The following LYPLAL1 variants were observed in gnomAD, a reference collection of about 807,000 sequenced individuals.
LYPLAL1 encodes lysophospholipase-like protein 1.
Under a neutral mutation model 19.7 loss-of-function variants are expected in LYPLAL1, and 23 were observed. The observed-to-expected ratio is 1.17, with a 90% CI of 0.84 to 1.65. The LOEUF (loss-of-function observed/expected upper bound fraction) is 1.65, where lower values mean the gene tolerates loss of function less well. LYPLAL1 is among the 40% of genes most tolerant of loss of function. The pLI is 0.00. For missense variants in LYPLAL1, 355 were observed against 279.4 expected (o/e 1.27, Z -1.93); for synonymous variants, 119 against 96.3 (o/e 1.24, Z -1.38).
At chr1:219,315,973 C>T in the LYPLAL1 span, among the ~76,000 whole-genome samples, 7 of 152,024 alleles carry the variant, frequency 4.6e-5, no homozygotes, top group Non-Finnish European at 7.4e-5. Flanking sequence ...AAAAATGCCC[C>T]ATGGCAAGAA....
the LYPLAL1 span, among the ~76,000 whole-genome samples, chr1:219,400,045 G>A: frequency 6.6e-6 from 1 of 152,132 alleles, no homozygotes; most frequent in African/African-American, 2.4e-5. Flanking sequence ...CAAGGTAAGA[G>A]CATGTTGCTT....
chr1:219,403,988 A>G, the LYPLAL1 span, among the ~76,000 whole-genome samples: 1 of 152,102 alleles, frequency 6.6e-6, no homozygotes, highest in Non-Finnish European at 1.5e-5. Context: ...GTGCTGATAT[A>G]GTTGATTCCT....
chr1:219,207,812 A>G (rs1185279522), intron 3 of LYPLAL1, among the ~76,000 whole-genome samples: 5 of 152,082 alleles, frequency 3.3e-5, no homozygotes, highest in Non-Finnish European at 5.9e-5. Flanking sequence ...AAGGAATTCA[A>G]TGCTAAGAAA....
the LYPLAL1 span, among the ~76,000 whole-genome samples, chr1:219,223,968 C>G: frequency 6.6e-6 from 1 of 152,046 alleles, no homozygotes; most frequent in East Asian, 1.9e-4. Flanking sequence ...TCCCTTTCTT[C>G]CCTACCCTGA....
At chr1:219,250,389 A>G in the LYPLAL1 span, among the ~76,000 whole-genome samples, 1 of 151,968 alleles carries the variant, frequency 6.6e-6, no homozygotes, top group South Asian at 2.1e-4. Flanking sequence ...GGCTCAAAGC[A>G]TTAATTAGTA....
chr1:219,185,781 A>G (rs2125044944), intron 2 of LYPLAL1, among the ~76,000 whole-genome samples: 1 of 152,090 alleles, frequency 6.6e-6, no homozygotes, highest in East Asian at 1.9e-4. Flanking sequence ...TTACCGTAAC[A>G]CCTATGTGAG....
At chr1:219,314,221 T>C in the LYPLAL1 span, among the ~76,000 whole-genome samples, 1 of 152,240 alleles carries the variant, frequency 6.6e-6, no homozygotes, top group East Asian at 1.9e-4. Context: ...AAATCAAATC[T>C]ACCATCATTG....
chr1:219,275,391 A>G, the LYPLAL1 span, among the ~76,000 whole-genome samples: 1 of 152,210 alleles, frequency 6.6e-6, no homozygotes, highest in Non-Finnish European at 1.5e-5. Context: ...TTAATCTTGT[A>G]TGGTGTAGAC....
chr1:219,281,780 A>G, the LYPLAL1 span, among the ~76,000 whole-genome samples: 3 of 152,204 alleles, frequency 2.0e-5, no homozygotes, highest in Non-Finnish European at 4.4e-5. Flanking sequence ...GTCATGCTCC[A>G]TAACTGACAG....
At chr1:219,303,523 T>C in the LYPLAL1 span, among the ~76,000 whole-genome samples, 63 of 152,192 alleles carry the variant, frequency 4.1e-4, no homozygotes, top group Admixed American at 4.1e-3. Flanking sequence ...TGTCACCCAG[T>C]GTTACTGGTG....
the LYPLAL1 span, among the ~76,000 whole-genome samples, chr1:219,440,022 C>CATATAT: frequency 0.022 from 2,809 of 128,788 alleles, 81 homozygotes; most frequent in African/African-American, 0.073. Context: ...TACACACACA[C>CATATAT]ACATATATAT....
the LYPLAL1 span, among the ~76,000 whole-genome samples, chr1:219,335,846 C>G: frequency 6.6e-6 from 1 of 151,626 alleles, no homozygotes; most frequent in East Asian, 1.9e-4. Flanking sequence ...ACCCAATTAG[C>G]ACAACGAAGT....
chr1:219,385,217 A>C, the LYPLAL1 span, among the ~76,000 whole-genome samples: 1 of 152,146 alleles, frequency 6.6e-6, no homozygotes, highest in Admixed American at 6.6e-5. Flanking sequence ...AAAGAAAAAA[A>C]CTCTGCCAGA....
At chr1:219,312,823 C>A in the LYPLAL1 span, among the ~76,000 whole-genome samples, 3 of 152,140 alleles carry the variant, frequency 2.0e-5, no homozygotes, top group Non-Finnish European at 4.4e-5. Flanking sequence ...TTCTCCTGGT[C>A]TATTGGTGGG....
the LYPLAL1 span, among the ~76,000 whole-genome samples, chr1:219,377,801 G>C: frequency 1.3e-5 from 2 of 151,920 alleles, no homozygotes; most frequent in African/African-American, 2.4e-5. Context: ...TCACAAATTC[G>C]TAATTTTTCA....
chr1:219,391,462 T>C, the LYPLAL1 span, among the ~76,000 whole-genome samples: 2 of 152,376 alleles, frequency 1.3e-5, no homozygotes, highest in East Asian at 3.9e-4. Context: ...TGTTTGATTC[T>C]GAGAAGATTG....
At chr1:219,339,218 A>G in the LYPLAL1 span, among the ~76,000 whole-genome samples, 2 of 151,990 alleles carry the variant, frequency 1.3e-5, no homozygotes, top group African/African-American at 2.4e-5. Context: ...CCCAAAAAAC[A>G]AAAGTCTAGA....
the LYPLAL1 span, among the ~76,000 whole-genome samples, chr1:219,389,944 C>T: frequency 6.6e-6 from 1 of 152,144 alleles, no homozygotes; most frequent in Admixed American, 6.5e-5. Flanking sequence ...TAGAAGACCT[C>T]AATATCTGTA....
intron 3 of LYPLAL1, among the ~76,000 whole-genome samples, chr1:219,199,546 A>T (rs1029571599): frequency 6.7e-6 from 1 of 150,252 alleles, no homozygotes; most frequent in African/African-American, 2.5e-5. Context: ...GGGTTCAAGC[A>T]ATTCTCCTGT....
Sources: allele counts gnomAD v4.1 joint callset (sites outside exome capture counted in the v4.1 genomes callset), GRCh38; gene constraint gnomAD v4.1.1; transcripts MANE v1.5; gene names NCBI Gene and HGNC (gene_info 2026-07-23, HGNC 2026-07-21).